The following APPL2 variants were observed in gnomAD, a reference collection of about 807,000 sequenced individuals.
The protein encoded by APPL2 is adaptor protein, phosphotyrosine interacting with PH domain and leucine zipper 2.
APPL2 carries 84 observed loss-of-function variants against 92.7 expected under a neutral mutation model. That is an observed-to-expected ratio of 0.91 (90% confidence interval 0.76 to 1.09). APPL2 has a LOEUF of 1.09. Ranked by LOEUF, APPL2 falls within the 50% of genes least tolerant of loss-of-function variation. The pLI is 0.00. For missense variants in APPL2, 736 were observed against 824.5 expected (o/e 0.89, Z 1.31); for synonymous variants, 291 against 291.0 (o/e 1.00, Z 0.00).
intron 8 of APPL2, among the ~76,000 whole-genome samples, chr12:105,205,818 G>C (rs12309135): frequency 0.086 from 13,165 of 152,230 alleles, 870 homozygotes; most frequent in African/African-American, 0.19. Context: ...GAGGGCAACA[G>C]TATGAGTTAC....
chr12:105,197,829 C>A lies in APPL2; in HGVS notation c.988G>T (p.Val330Leu). 6.2e-7 allele frequency: 1 copy of A among 1,614,236 alleles called. No homozygotes were observed. The highest frequency in any genetic ancestry group is 8.5e-7 in the Non-Finnish European group (1 of 1,180,050). The change falls in exon 11 of 21, where the codon GTG becomes TTG. Residue 330 changes from valine (V) to leucine (L), a missense_variant. Physicochemically the swap from Val to Leu is conservative, Grantham distance 32 (BLOSUM62 1). Transcript: ENST00000258530. The stretch of plus-strand genomic sequence containing the variant: ...CGGTCTTCGCAATCCACGGCCATCA[C>A]TGAGCAGTTGTCCAGGTCCTGGATC... ...GLIQDLDNCS[V>L]MAVDCEDRRY...
chr12:105,224,582 C>T (rs1197670920), intron 2 of APPL2, among the ~76,000 whole-genome samples: 1 of 152,244 alleles, frequency 6.6e-6, no homozygotes, highest in East Asian at 1.9e-4. Context: ...AGGCAAGCTA[C>T]TTAACTTCTC....
At chr12:105,190,508 C>A (rs1816474153) in intron 14 of APPL2, among the ~76,000 whole-genome samples, 1 of 152,208 alleles carries the variant, frequency 6.6e-6, no homozygotes, top group Admixed American at 6.5e-5. Context: ...GCTGAATGAA[C>A]CAAAGGTCCT....
At chr12:105,204,549 C>T (rs982742983) in intron 8 of APPL2, among the ~76,000 whole-genome samples, 1 of 152,210 alleles carries the variant, frequency 6.6e-6, no homozygotes, top group Non-Finnish European at 1.5e-5. Context: ...GGGGACTGTT[C>T]TGGCCCCATG....
rs527379027 is a variant in APPL2, at chr12:105,173,629, C to G, written c.*685G>C. The G allele has an allele frequency of 6.5e-6, 1 of 152,752 alleles. No individual in the cohort carries two copies. The highest frequency in any genetic ancestry group is 1.9e-4 in the East Asian group (1 of 5,192). 9.5% of individuals were successfully genotyped at this position (152,752 alleles called of 1,614,324 possible). A position where few individuals can be genotyped will look rare whatever the true frequency, so the allele number is the denominator to read the frequency against. The stretch of plus-strand genomic sequence containing the variant: ...GATCCACTACTAAAAATACTCATAC[C>G]TAGGAGGACCTTAAACTTCTGAATG... On this transcript the variant is annotated 3_prime_UTR_variant, in exon 21 of 21. Coordinates refer to ENST00000258530, the MANE Select transcript of APPL2 (RefSeq NM_018171.5).
chr12:105,208,464 G>A (rs571992506), intron 5 of APPL2, among the ~76,000 whole-genome samples: 4 of 152,162 alleles, frequency 2.6e-5, no homozygotes, highest in Non-Finnish European at 4.4e-5. Context: ...TGAGGGAGAG[G>A]GCACGCCGGG....
chr12:105,196,596 C>T (rs894205953), intron 11 of APPL2, among the ~76,000 whole-genome samples: 4 of 151,980 alleles, frequency 2.6e-5, no homozygotes, highest in Admixed American at 1.3e-4. Context: ...CCACCACTAA[C>T]GTGCCCGGCC....
At chr12:105,194,326 G>A (rs2135954842) in intron 14 of APPL2, among the ~76,000 whole-genome samples, 1 of 152,332 alleles carries the variant, frequency 6.6e-6, no homozygotes, top group East Asian at 1.9e-4. Flanking sequence ...AAAGCTGTAT[G>A]CATGAAAATG....
At chr12:105,204,977 T>C (rs886785642) in intron 8 of APPL2, among the ~76,000 whole-genome samples, 6 of 152,176 alleles carry the variant, frequency 3.9e-5, no homozygotes, top group Admixed American at 6.5e-5. Flanking sequence ...GGACCGAACA[T>C]GACTTCAAGG....
At chr12:105,216,008 C>G (rs1293953116) in intron 4 of APPL2, among the ~76,000 whole-genome samples, 1 of 152,134 alleles carries the variant, frequency 6.6e-6, no homozygotes, top group African/African-American at 2.4e-5. Flanking sequence ...GCCTGGGAAA[C>G]AGAGCGAGAC....
chr12:105,182,393 G>A lies in APPL2; in HGVS notation c.1635-5131C>T, dbSNP rs1406102691. ...AGATCTTTCCCACTTTTTCCTGTGT[G>A]CATTTAGTGCTATAAAAACATTGCT... is the stretch of plus-strand genomic sequence containing the variant. On this transcript the variant is annotated intron_variant, in intron 17 of 20. Transcript: ENST00000258530. Among the ~76,000 whole-genome samples, 6 of 152,176 alleles carry A rather than the reference G, an allele frequency of 3.9e-5. No individual in the cohort carries two copies. The East Asian group carries it at 1.2e-3, about 29-fold the overall frequency.
intron 4 of APPL2, among the ~76,000 whole-genome samples, chr12:105,214,083 GGCTGAGGCAGGA>G (rs2136034197): frequency 6.6e-6 from 1 of 152,298 alleles, no homozygotes; most frequent in East Asian, 1.9e-4. Flanking sequence ...TGCTTGGAAA[GGCTGAGGCAGGA>G]GAGTTGCTTA....
At position 105,224,196 on chromosome 12, in the gene APPL2, C is replaced by T. The variant is rs1030476689; in HGVS notation, c.153+4929G>A. Among the ~76,000 whole-genome samples the T allele has an allele frequency of 2.6e-5, 4 of 152,220 alleles. No homozygotes were observed. The East Asian group carries it at 5.8e-4, about 22-fold the overall frequency. On this transcript the variant is annotated intron_variant, in intron 2 of 20. Coordinates refer to ENST00000258530, the MANE Select transcript of APPL2 (RefSeq NM_018171.5). ...AGCCATTCACGCCCTCTGCTCCCTC[C>T]GACCTTAAGCTACATATGCACCTCC...
At chr12:105,215,954 G>A (rs1490821180) in intron 4 of APPL2, among the ~76,000 whole-genome samples, 1 of 152,146 alleles carries the variant, frequency 6.6e-6, no homozygotes, top group Non-Finnish European at 1.5e-5. Flanking sequence ...GTGAACCCGG[G>A]AGGTGGAGCT....
At chr12:105,188,900 G>A (rs1416573452) in intron 16 of APPL2, among the ~76,000 whole-genome samples, 3 of 152,190 alleles carry the variant, frequency 2.0e-5, no homozygotes, top group Non-Finnish European at 4.4e-5. Context: ...TGTGTATTAC[G>A]GAAAGGCAGT....
intron 11 of APPL2, 80 bp from the exon 12 acceptor site, chr12:105,195,707 C>T: frequency 6.6e-7 from 1 of 1,525,140 alleles, no homozygotes; most frequent in Non-Finnish European, 9.0e-7. Flanking sequence ...CTGAACTTAG[C>T]TGGGGTGTGG....
chr12:105,186,667 T>TATATATC (rs1566056379), intron 17 of APPL2, among the ~76,000 whole-genome samples: 3,511 of 32,480 alleles, frequency 0.11, 84 homozygotes, highest in East Asian at 0.44. Context: ...ATATATATCA[T>TATATATC]ATATATGATA....
intron 17 of APPL2, among the ~76,000 whole-genome samples, chr12:105,185,917 C>G (rs1024268980): frequency 6.6e-6 from 1 of 152,084 alleles, no homozygotes; most frequent in Non-Finnish European, 1.5e-5. Flanking sequence ...AAACTCCATC[C>G]CCATTAAGCA....
intron 12 of APPL2, 22 bp from the exon 13 acceptor site, chr12:105,195,523 A>G: frequency 1.2e-6 from 2 of 1,614,250 alleles, no homozygotes; most frequent in Non-Finnish European, 8.5e-7. Context: ...ATTAAAAAAG[A>G]ACACTGAATC....
Sources: gnomAD v4.1 joint callset for allele counts (sites outside exome capture counted in the v4.1 genomes callset) on GRCh38, gnomAD v4.1.1 for gene constraint, MANE v1.5 for transcripts, NCBI Gene and HGNC (gene_info 2026-07-23, HGNC 2026-07-21) for gene names.